GNA14: variants seen among roughly 807,000 people sequenced by gnomAD.
The protein encoded by GNA14 is guanine nucleotide-binding protein subunit alpha-14.
Under a neutral mutation model 42.0 loss-of-function variants are expected in GNA14, and 50 were observed. That is an observed-to-expected ratio of 1.19 (90% CI 0.95 to 1.51). The LOEUF (loss-of-function observed/expected upper bound fraction) is 1.51. Ranked by LOEUF, GNA14 falls within the 40% of genes most tolerant of loss-of-function variation. GNA14 has a pLI of 0.00. For missense variants in GNA14, 473 were observed against 446.2 expected (o/e 1.06, Z -0.54); for synonymous variants, 173 against 163.1 (o/e 1.06, Z -0.46).
At chr9:77,607,951 G>A (rs1406166340) in intron 1 of GNA14, among the ~76,000 whole-genome samples, 1 of 152,114 alleles carries the variant, frequency 6.6e-6, no homozygotes, top group Non-Finnish European at 1.5e-5. Context: ...GAGGGTTAAG[G>A]CTTCAAAACA....
chr9:77,443,605 AAAAT>A (rs1161357651), intron 2 of GNA14, among the ~76,000 whole-genome samples: 3 of 152,188 alleles, frequency 2.0e-5, no homozygotes, highest in Admixed American at 1.3e-4. Context: ...TCCAACAACA[AAAAT>A]AAATAACAGA....
chr9:77,441,607 AAT>A (rs1266367842), intron 2 of GNA14, among the ~76,000 whole-genome samples: 2 of 152,312 alleles, frequency 1.3e-5, no homozygotes, highest in East Asian at 3.9e-4. Context: ...TATATTATTA[AAT>A]ATGAGAACTC....
At chr9:77,426,706 C>G (rs1039589297) in intron 5 of GNA14, among the ~76,000 whole-genome samples, 29 of 152,162 alleles carry the variant, frequency 1.9e-4, no homozygotes, top group Non-Finnish European at 1.5e-5. Flanking sequence ...TAGACATTGG[C>G]AAGAAGATAT....
chr9:77,629,932 G>C (rs533166734), intron 1 of GNA14, among the ~76,000 whole-genome samples: 2 of 152,156 alleles, frequency 1.3e-5, no homozygotes, highest in Admixed American at 6.5e-5. Flanking sequence ...AGTCAGCACT[G>C]AATTTTTAAA....
At chr9:77,429,120 C>T in intron 4 of GNA14, 84 bp from the exon 5 acceptor site, 1 of 1,365,750 alleles carries the variant, frequency 7.3e-7, no homozygotes, top group East Asian at 2.3e-5. Context: ...GCATGGAAAC[C>T]AGTGCTCTTG....
At chr9:77,467,110 G>C (rs1393420889) in intron 2 of GNA14, among the ~76,000 whole-genome samples, 4 of 151,772 alleles carry the variant, frequency 2.6e-5, no homozygotes, top group Non-Finnish European at 5.9e-5. Flanking sequence ...TAGTAGCTCA[G>C]AGTTACTAGT....
intron 1 of GNA14, among the ~76,000 whole-genome samples, chr9:77,623,839 T>G (rs1305435614): frequency 6.6e-6 from 1 of 152,206 alleles, no homozygotes; most frequent in East Asian, 1.9e-4. Flanking sequence ...AAAACTGGGC[T>G]GCTGTTTGGG....
intron 2 of GNA14, among the ~76,000 whole-genome samples, chr9:77,510,793 A>C (rs1837152815): frequency 6.6e-6 from 1 of 152,222 alleles, no homozygotes; most frequent in African/African-American, 2.4e-5. Flanking sequence ...CAGCTCCCAG[A>C]ACAGATGTGT....
At chr9:77,513,038 G>A (rs1389340143) in intron 2 of GNA14, among the ~76,000 whole-genome samples, 1 of 152,152 alleles carries the variant, frequency 6.6e-6, no homozygotes, top group Non-Finnish European at 1.5e-5. Context: ...TATTTCTCTA[G>A]TTTCTTTGAT....
intron 1 of GNA14, among the ~76,000 whole-genome samples, chr9:77,617,423 C>T (rs1340569877): frequency 6.6e-6 from 1 of 152,026 alleles, no homozygotes; most frequent in African/African-American, 2.4e-5. Flanking sequence ...CCAATACATC[C>T]AATCAACTCT....
chr9:77,432,962 A>G (rs1397596159), intron 3 of GNA14, among the ~76,000 whole-genome samples: 1 of 152,230 alleles, frequency 6.6e-6, no homozygotes, highest in Non-Finnish European at 1.5e-5. Context: ...ATGCTGATCT[A>G]ACACCTCAGT....
At chr9:77,641,111 A>G (rs1318011144) in intron 1 of GNA14, among the ~76,000 whole-genome samples, 6 of 3,466 alleles carry the variant, frequency 1.7e-3, no homozygotes, top group Non-Finnish European at 2.7e-3. Flanking sequence ...GAAGGAAGGA[A>G]GGAAGGAAGG....
intron 2 of GNA14, among the ~76,000 whole-genome samples, chr9:77,468,039 C>G (rs1156801188): frequency 6.6e-6 from 1 of 152,138 alleles, no homozygotes; most frequent in Non-Finnish European, 1.5e-5. Context: ...TTCCACAACT[C>G]AGGGCTAGAG....
At chr9:77,471,601 G>A (rs1836330715) in intron 2 of GNA14, among the ~76,000 whole-genome samples, 1 of 152,190 alleles carries the variant, frequency 6.6e-6, no homozygotes, top group Non-Finnish European at 1.5e-5. Context: ...GGGACAGTGG[G>A]TGAGGAGCTT....
intron 1 of GNA14, among the ~76,000 whole-genome samples, chr9:77,608,732 G>GTTTTTTTTTTT (rs111701182): frequency 9.1e-5 from 11 of 121,154 alleles, no homozygotes; most frequent in African/African-American, 3.3e-4. Context: ...CCAATATCCT[G>GTTTTTTTTTTT]TTTTTTTTTT....
rs370272788 is a variant in GNA14 at position 77,434,521 on chromosome 9, T to G, written c.311A>C (p.Glu104Ala). 6.8e-6 allele frequency: 11 copies of G among 1,612,474 alleles called. No homozygotes were observed. Among genetic ancestry groups the G allele is most frequent in the Non-Finnish European group, 9.3e-6 (11 of 1,179,388 alleles). Residue 104 changes from glutamate to alanine, a missense_variant and splice_region_variant, in exon 3 of 7, where the codon GAA becomes GCA. Physicochemically the swap from Glu to Ala is moderately radical, Grantham distance 107. Coordinates refer to ENST00000341700, the MANE Select transcript of GNA14 (RefSeq NM_004297.4). Reference protein sequence around the residue: ...RIQYVCEQNKENAQIIREVEV... With the variant: ...RIQYVCEQNKANAQIIREVEV... ...CACTTCTCTGATTATCTGGGCATTT[T>G]CCTACTCAAAGGAAAGAGAACCTTG...
chr9:77,576,654 C>T (rs1418074172), intron 1 of GNA14, among the ~76,000 whole-genome samples: 1 of 152,096 alleles, frequency 6.6e-6, no homozygotes, highest in African/African-American at 2.4e-5. Flanking sequence ...ACATCATTAT[C>T]ACAATTAAGT....
At chr9:77,584,102 A>G (rs1033547314) in intron 1 of GNA14, among the ~76,000 whole-genome samples, 1 of 152,198 alleles carries the variant, frequency 6.6e-6, no homozygotes, top group Non-Finnish European at 1.5e-5. Context: ...TCTGCAACTC[A>G]GAGCAGTAGA....
rs1837572811 is a variant in GNA14 at position 77,534,678 on chromosome 9, A to G, written c.125-5425T>C. The stretch of plus-strand genomic sequence containing the variant: ...GTTCTGGATGTTGCTCATGCTGTCT[A>G]AATCATCTATGTGCCCAACAGGCGG... On this transcript the variant is annotated intron_variant, in intron 1 of 6. Transcript: ENST00000341700. 2.0e-5 allele frequency among the ~76,000 whole-genome samples: 3 copies of G among 152,356 alleles called. No individual in the cohort carries two copies. In the South Asian group the frequency reaches 6.2e-4, roughly 32 times the overall value.
Sources: allele counts gnomAD v4.1 joint callset (sites outside exome capture counted in the v4.1 genomes callset), GRCh38; gene constraint gnomAD v4.1.1; transcripts MANE v1.5; gene names NCBI Gene and HGNC (gene_info 2026-07-23, HGNC 2026-07-21).